The following ENTR1 variants were observed in gnomAD, a reference collection of about 807,000 sequenced individuals.
The protein encoded by ENTR1 is endosome associated trafficking regulator 1.
ENTR1 carries 47 observed loss-of-function variants against 47.9 expected under a neutral mutation model. That is an observed-to-expected ratio of 0.98 (90% CI 0.78 to 1.25). The LOEUF (loss-of-function observed/expected upper bound fraction) is 1.25. Among genes scored for constraint, ENTR1 ranks in the 50% most tolerant of loss-of-function variants. ENTR1 has a pLI of 0.00. For synonymous variants in ENTR1, 290 were observed against 245.8 expected, an observed-to-expected ratio of 1.18 and a Z score of -1.68; for missense variants, 668 against 570.5, an observed-to-expected ratio of 1.17 and a Z score of -1.74.
rs1357308326 is a variant in ENTR1, at chr9:136,408,943, G to T, written c.289+56C>A. 4.6e-6 allele frequency: 6 copies of T among 1,302,548 alleles called. No homozygotes were observed. In the Admixed American group the frequency reaches 7.2e-5, roughly 16 times the overall value. The allele number at this position is 1,302,548 out of a possible 1,614,324, so 80.7% of individuals were successfully genotyped here. ...TCACATTGACAGTCCCACCAGACAC[G>T]TGCCTGGCACTGTGTTGGATGGAGA... On this transcript the variant is annotated intron_variant, in intron 3 of 9. Transcript: ENST00000357365.
chr9:136,404,827 C>T lies in ENTR1; in HGVS notation c.1006-134G>A, dbSNP rs1379367129. On this transcript the variant is annotated intron_variant, in intron 7 of 9. Coordinates refer to ENST00000357365, the MANE Select transcript of ENTR1 (RefSeq NM_001039707.2). ...CCCTTCACAGCCCCTGTGCCCCTCC[C>T]AGTCCCGCCTCCACTCTCAGACCAC... The T allele has an allele frequency of 2.0e-5, 17 of 843,626 alleles. No individual in the cohort carries two copies. In the East Asian group the frequency reaches 4.5e-4, roughly 22 times the overall value. The allele number at this position is 843,626 out of a possible 1,614,324, so 52.3% of individuals were successfully genotyped here.
intron 7 of ENTR1, 104 bp from the exon 8 acceptor site, chr9:136,404,797 T>C (rs990316304): frequency 8.5e-7 from 1 of 1,182,778 alleles, no homozygotes; most frequent in Non-Finnish European, 1.2e-6. Context: ...CCAACCTGGC[T>C]GTGGCCCTTC....
chr9:136,410,074 C>T lies in ENTR1; in HGVS notation c.220+16G>A. 1.9e-6 allele frequency: 3 copies of T among 1,612,494 alleles called. No individual in the cohort carries two copies. Among genetic ancestry groups the T allele is most frequent in the Non-Finnish European group, 2.5e-6 (3 of 1,179,834 alleles). On this transcript the variant is annotated intron_variant, in intron 2 of 9. Transcript: ENST00000357365. The stretch of plus-strand genomic sequence containing the variant: ...GAACTGGAAGCGTCCCCGGGGCCGG[C>T]GCCCTCGTCTCTCACCTGTGTCTCC...
chr9:136,404,001 C>T (rs868396071), intron 9 of ENTR1, 54 bp downstream of exon 9: 12 of 1,535,832 alleles, frequency 7.8e-6, no homozygotes, highest in African/African-American at 6.9e-5. Context: ...CTGACGACCA[C>T]TCCAATCTCA....
In ENTR1 at chr9:136,409,049, C is replaced by G. The variant is rs1443685075; in HGVS notation, c.239G>C (p.Gly80Ala). Residue 80 changes from glycine to alanine, a missense_variant, in exon 3 of 10, where the codon GGG becomes GCG. Gly to Ala is a moderately conservative substitution (Grantham distance 60). Transcript: ENST00000357365. ...VGDTDFGYGK[G>A]KCSKQSPSGA... Reference sequence around the variant, plus strand: ...TGACGGGCTCTGCTTAGAACATTTCCCCTTTCCATAGCCAAAATCTGCAAA... The same window carrying G: ...TGACGGGCTCTGCTTAGAACATTTCGCCTTTCCATAGCCAAAATCTGCAAA... 4 of 1,613,834 alleles carry G rather than the reference C, an allele frequency of 2.5e-6. No individual in the cohort carries two copies. In the African/African-American group the frequency reaches 5.3e-5, roughly 22 times the overall value.
rs758232593 is a variant in ENTR1, at chr9:136,402,775, CA to C, written c.*12del. ...TATACACGGAGCTTCATGCTGAGAA[CA>C]CCCAGGGGTCCTCAAGAGTCTTCCT... On this transcript the variant is annotated 3_prime_UTR_variant, in exon 10 of 10. Transcript: ENST00000357365. 4 of 1,590,744 alleles carry C rather than the reference CA, an allele frequency of 2.5e-6. No homozygotes were observed. Among genetic ancestry groups the C allele is most frequent in the Non-Finnish European group, 3.4e-6 (4 of 1,160,272 alleles).
chr9:136,405,230 A>C (rs2131552067), intron 6 of ENTR1, 28 bp from the exon 7 acceptor site: 1 of 1,558,636 alleles, frequency 6.4e-7, no homozygotes, highest in East Asian at 2.2e-5. Flanking sequence ...CGAGTTGTTA[A>C]TTTCTGTGGC....
intron 9 of ENTR1, 48 bp from the exon 10 acceptor site, chr9:136,402,935 A>T (rs1217090091): frequency 8.0e-7 from 1 of 1,253,582 alleles, no homozygotes. Flanking sequence ...GCTACTCAGC[A>T]GCAACAGGGT....
At chr9:136,408,012 C>T in intron 3 of ENTR1, 74 bp from the exon 4 acceptor site, 2 of 954,794 alleles carry the variant, frequency 2.1e-6, no homozygotes, top group East Asian at 2.4e-5. Flanking sequence ...GTTCACCTGT[C>T]TTTCCAGAGC....
rs1412373251 is a variant in ENTR1 at position 136,407,337 on chromosome 9, G to T, written c.627C>A (p.Ser209Arg). The T allele has an allele frequency of 1.2e-6, 2 of 1,608,832 alleles. No homozygotes were observed. The highest frequency in any genetic ancestry group is 1.7e-6 in the Non-Finnish European group (2 of 1,178,440). Reference protein sequence around the residue: ...ERVPAGTSPCSTYLSFFSTPS... With the variant: ...ERVPAGTSPCRTYLSFFSTPS... ...GGGTGGAGAAAAAGGAAAGGTATGT[G>T]CTGCAGGGCGACGTGCCGGCAGGGA... Residue 209 changes from serine (S) to arginine (R), a missense_variant, in exon 5 of 10, where the codon AGC becomes AGA. Ser to Arg is a moderately radical substitution (Grantham distance 110, BLOSUM62 -1). Transcript: ENST00000357365.
In ENTR1 at chr9:136,410,341, G is replaced by T. The variant is rs1241846265; in HGVS notation, c.57C>A (p.Leu19=). The T allele has an allele frequency of 3.2e-6, 5 of 1,544,764 alleles. No individual in the cohort carries two copies. In the African/African-American group the frequency reaches 5.5e-5, roughly 17 times the overall value. ...TGCCCCGCTCACCGTCGGGAATGGC[G>T]AGGCTCCGGGCTCGGGACAGCGGGG... ...GATPLSRARS[L]AIPDAPAFYE... The change falls in exon 1 of 10, where the codon CTC becomes CTA. Residue 19 remains leucine, a synonymous_variant. Transcript: ENST00000357365.
At position 136,409,073 on chromosome 9, in the gene ENTR1, A is replaced by T. The variant is rs1357200971; in HGVS notation, c.221-6T>A. 1 of 1,613,796 alleles carries T rather than the reference A, an allele frequency of 6.2e-7. No individual in the cohort carries two copies. ...CCCCTTTCCATAGCCAAAATCTGCA[A>T]AGAAACAATGTCACCCACCATGCTG... On this transcript the variant is annotated splice_region_variant and splice_polypyrimidine_tract_variant and intron_variant, in intron 2 of 9. Coordinates refer to ENST00000357365, the MANE Select transcript of ENTR1 (RefSeq NM_001039707.2).
chr9:136,403,038 C>T (rs1382878801), intron 9 of ENTR1, 151 bp from the exon 10 acceptor site: 13 of 73,168 alleles, frequency 1.8e-4, no homozygotes, highest in African/African-American at 7.3e-4. Context: ...GGGAGGAAGG[C>T]GAGGGTTTCC....
rs375812435 is a variant in ENTR1, at chr9:136,408,496, T to G, written c.289+503A>C. Among the ~76,000 whole-genome samples, 28 of 152,032 alleles carry G rather than the reference T, an allele frequency of 1.8e-4. No homozygotes were observed. In the East Asian group the frequency reaches 1.9e-3, roughly 10 times the overall value. ...GGGAGGCTGAGGCAGGAGAATGGCG[T>G]GAACCTGGGAGGTGGAGCTTGCAGT... is the stretch of plus-strand genomic sequence containing the variant. On this transcript the variant is annotated intron_variant, in intron 3 of 9. Coordinates refer to ENST00000357365, the MANE Select transcript of ENTR1 (RefSeq NM_001039707.2).
At chr9:136,404,334 G>A in intron 8 of ENTR1, 140 bp from the exon 9 acceptor site, 1 of 1,140,554 alleles carries the variant, frequency 8.8e-7, no homozygotes, top group Non-Finnish European at 1.3e-6. Flanking sequence ...GCTCGCCTCT[G>A]GGACTGGGGG....
Position 136,402,494 on chromosome 9 carries a change from TTTTCTTAAAA to T in ENTR1, c.*284_*293del. The T allele has an allele frequency of 3.6e-6, 1 of 276,502 alleles. No individual in the cohort carries two copies. Among genetic ancestry groups the T allele is most frequent in the Non-Finnish European group, 6.8e-6 (1 of 147,650 alleles). 17.1% of individuals were successfully genotyped at this position (276,502 alleles called of 1,614,324 possible). On this transcript the variant is annotated 3_prime_UTR_variant, in exon 10 of 10. Coordinates refer to ENST00000357365, the MANE Select transcript of ENTR1 (RefSeq NM_001039707.2). ...AAAACATTGATTCCAGAACCACTCT[TTTTCTTAAAA>T]TCACTGGCTTTTATGACAATGTCTT...
At chr9:136,409,578 G>C (rs990474160) in intron 2 of ENTR1, among the ~76,000 whole-genome samples, 3 of 152,142 alleles carry the variant, frequency 2.0e-5, no homozygotes, top group African/African-American at 7.2e-5. Context: ...GTCTGAAAGC[G>C]GCTCCTCAGC....
intron 6 of ENTR1, 133 bp downstream of exon 6, chr9:136,405,772 G>A (rs1246519072): frequency 2.3e-5 from 13 of 574,416 alleles, no homozygotes; most frequent in Admixed American, 7.2e-5. Context: ...ACAGAAATGT[G>A]TTTGATGCTG....
chr9:136,408,852 A>C, intron 3 of ENTR1, 147 bp downstream of exon 3: 1 of 628,500 alleles, frequency 1.6e-6, no homozygotes, highest in Non-Finnish European at 2.8e-6. Flanking sequence ...CTCTAGGATC[A>C]AGACTGAACC....
Sources: allele counts gnomAD v4.1 joint callset (sites outside exome capture counted in the v4.1 genomes callset), GRCh38; gene constraint gnomAD v4.1.1; transcripts MANE v1.5; gene names NCBI Gene and HGNC (gene_info 2026-07-23, HGNC 2026-07-21).